The following WDPCP variants were observed in gnomAD, a reference collection of about 807,000 sequenced individuals.
The protein encoded by WDPCP is WD repeat containing planar cell polarity effector.
WDPCP carries 71 observed loss-of-function variants against 93.1 expected under a neutral mutation model. The ratio of observed to expected loss-of-function variants is 0.76; its 90% CI spans 0.63 to 0.93. WDPCP has a LOEUF of 0.93. Among genes scored for constraint, WDPCP ranks in the 40% least tolerant of loss-of-function variants. The pLI is 0.00. For missense variants in WDPCP, 844 were observed against 887.4 expected (o/e 0.95, Z 0.62); for synonymous variants, 315 against 315.0 (o/e 1.00, Z 0.00).
At chr2:63,177,221 A>C (rs1032554890) in intron 14 of WDPCP, among the ~76,000 whole-genome samples, 2 of 152,182 alleles carry the variant, frequency 1.3e-5, no homozygotes, top group Non-Finnish European at 1.5e-5. Flanking sequence ...TGTTCTGGCT[A>C]TTCAGCATCT....
Position 63,802,281 on chromosome 2 carries a change from T to TA in WDPCP, n.308+11340dup, listed in dbSNP as rs58717654. Among the ~76,000 whole-genome samples, 46 of 54,406 alleles carry TA rather than the reference T, an allele frequency of 8.5e-4. 8 individuals are homozygous for TA. The highest frequency in any genetic ancestry group is 3.7e-3 in the East Asian group (6 of 1,630). The allele number at this position is 54,406 out of a possible 152,430, so 35.7% of individuals were successfully genotyped here. On this transcript the variant is annotated intron_variant and non_coding_transcript_variant, in intron 2 of 4. Coordinates refer to the WDPCP transcript ENST00000467687. ...GGCAACATTATGATACCCTCTCTCT[T>TA]AAAAAAAAAAAAAAAAAAAAAAAAA...
intron 2 of WDPCP, among the ~76,000 whole-genome samples, chr2:63,732,961 G>A (rs926397141): frequency 6.6e-6 from 1 of 152,124 alleles, no homozygotes; most frequent in Admixed American, 6.5e-5. Context: ...GGAGAACTGG[G>A]CAAAATGTAT....
chr2:63,515,726 T>G (rs905668430), intron 1 of WDPCP, among the ~76,000 whole-genome samples: 3 of 152,140 alleles, frequency 2.0e-5, no homozygotes, highest in African/African-American at 7.2e-5. Flanking sequence ...CTCATTTAGA[T>G]TCTATAATCA....
chr2:63,361,934 T>G (rs1480560912), intron 12 of WDPCP, among the ~76,000 whole-genome samples: 2 of 152,146 alleles, frequency 1.3e-5, no homozygotes, highest in Non-Finnish European at 2.9e-5. Flanking sequence ...TTTTCCCACT[T>G]TTTAAAAATT....
intron 1 of WDPCP, among the ~76,000 whole-genome samples, chr2:63,523,098 G>A (rs1287019173): frequency 6.6e-6 from 1 of 152,142 alleles, no homozygotes; most frequent in Non-Finnish European, 1.5e-5. Flanking sequence ...ACATCATAAA[G>A]CTAATCCACC....
At chr2:63,506,288 A>G (rs1701865561) in intron 1 of WDPCP, among the ~76,000 whole-genome samples, 1 of 152,088 alleles carries the variant, frequency 6.6e-6, no homozygotes, top group Admixed American at 6.6e-5. Flanking sequence ...GTATATGCCA[A>G]TGCTTGATTT....
chr2:63,329,992 T>A (rs901283442), intron 12 of WDPCP, among the ~76,000 whole-genome samples: 7 of 152,212 alleles, frequency 4.6e-5, no homozygotes, highest in Admixed American at 3.9e-4. Context: ...ATTCAACTTT[T>A]GAGGGAAAAT....
At chr2:63,632,147 G>A (rs2106634209) in intron 3 of WDPCP, among the ~76,000 whole-genome samples, 1 of 152,260 alleles carries the variant, frequency 6.6e-6, no homozygotes, top group South Asian at 2.1e-4. Flanking sequence ...CATTCTTCCA[G>A]TGCCCTTGCA....
chr2:63,202,767 CACATT>C (rs1415600059), intron 14 of WDPCP, among the ~76,000 whole-genome samples: 1 of 152,140 alleles, frequency 6.6e-6, no homozygotes, highest in Non-Finnish European at 1.5e-5. Context: ...GACTGCGCAT[CACATT>C]ACATTTGTCT....
chr2:63,369,645 G>A (rs764875531), intron 12 of WDPCP, among the ~76,000 whole-genome samples: 31 of 151,984 alleles, frequency 2.0e-4, no homozygotes, highest in African/African-American at 7.0e-4. Context: ...TCAATGTCAC[G>A]CCTAATAAGC....
chr2:63,734,800 C>T (rs937394181), intron 2 of WDPCP, among the ~76,000 whole-genome samples: 1 of 151,822 alleles, frequency 6.6e-6, no homozygotes, highest in African/African-American at 2.4e-5. Flanking sequence ...TCTTAGTTTT[C>T]CTCACTGAAA....
intron 2 of WDPCP, among the ~76,000 whole-genome samples, chr2:63,729,447 T>C (rs1395987085): frequency 6.6e-6 from 1 of 152,132 alleles, no homozygotes; most frequent in African/African-American, 2.4e-5. Flanking sequence ...CAGATTCAGT[T>C]TGTATTTTTC....
chr2:63,607,517 C>T (rs1709557219), intron 3 of WDPCP, among the ~76,000 whole-genome samples: 2 of 142,784 alleles, frequency 1.4e-5, no homozygotes, highest in Non-Finnish European at 3.1e-5. Context: ...GCCTGGGCTA[C>T]GAGGGAAACT....
chr2:63,800,817 G>A (rs928414648), intron 2 of WDPCP, among the ~76,000 whole-genome samples: 6 of 152,146 alleles, frequency 3.9e-5, no homozygotes, highest in African/African-American at 1.4e-4. Context: ...CTTTGGGAGG[G>A]CTGAGGTGGG....
intron 6 of WDPCP, among the ~76,000 whole-genome samples, chr2:63,453,653 A>G (rs1698418305): frequency 6.6e-6 from 1 of 152,308 alleles, no homozygotes; most frequent in Admixed American, 6.5e-5. Flanking sequence ...ACGTATGTTT[A>G]TTGTGGCATT....
intron 13 of WDPCP, among the ~76,000 whole-genome samples, chr2:63,310,459 A>G (rs1465781800): frequency 1.3e-5 from 2 of 152,230 alleles, no homozygotes; most frequent in East Asian, 1.9e-4. Flanking sequence ...ACTCTAAACA[A>G]GGAATCAGCA....
intron 6 of WDPCP, among the ~76,000 whole-genome samples, chr2:63,480,531 A>T (rs1399885524): frequency 6.6e-6 from 1 of 152,214 alleles, no homozygotes; most frequent in Non-Finnish European, 1.5e-5. Flanking sequence ...CTGGTATAAA[A>T]ATAGGCACAT....
intron 1 of WDPCP, among the ~76,000 whole-genome samples, chr2:63,549,249 A>G (rs1463601471): frequency 2.0e-4 from 2 of 10,050 alleles, no homozygotes; most frequent in African/African-American, 1.4e-3. Context: ...GACTGTCTCA[A>G]AAAAAAAAAA....
chr2:63,491,796 AATTTCTG>A lies in WDPCP; in HGVS notation c.160+1053_160+1059del, dbSNP rs1162642149. 2.0e-5 allele frequency among the ~76,000 whole-genome samples: 3 copies of A among 152,076 alleles called. No homozygotes were observed. The East Asian group carries it at 5.8e-4, about 29-fold the overall frequency. On this transcript the variant is annotated intron_variant, in intron 2 of 17. Coordinates refer to ENST00000272321, the MANE Select transcript of WDPCP (RefSeq NM_015910.7). ...ATCTTCTACAATATCTGGCTCCTCA[AATTTCTG>A]TATCTTTCCAGAATTTTGAGTCATA... is the stretch of plus-strand genomic sequence containing the variant.
Sources: allele counts gnomAD v4.1 joint callset (sites outside exome capture counted in the v4.1 genomes callset), GRCh38; gene constraint gnomAD v4.1.1; transcripts MANE v1.5; gene names NCBI Gene and HGNC (gene_info 2026-07-23, HGNC 2026-07-21).